GCH1: variants seen among roughly 807,000 people sequenced by gnomAD.
GCH1 encodes the protein GTP cyclohydrolase I.
A neutral mutation model predicts 25.9 loss-of-function variants in GCH1; 5 were observed. The observed-to-expected ratio is 0.19, with a 90% CI of 0.10 to 0.41. The LOEUF is 0.41. GCH1 is among the 10% of genes least tolerant of loss of function. The pLI is 1.00. For synonymous variants in GCH1, 159 were observed against 129.6 expected (o/e 1.23, Z -1.54); for missense variants, 261 against 336.5 (o/e 0.78, Z 1.75).
At chr14:54,892,435 T>G (rs573535495) in intron 1 of GCH1, among the ~76,000 whole-genome samples, 1 of 152,230 alleles carries the variant, frequency 6.6e-6, no homozygotes, top group Admixed American at 6.5e-5. Flanking sequence ...ACGCCTGTAA[T>G]CCCAACACTT....
chr14:54,865,506 A>G, intron 1 of GCH1, 70 bp from the exon 2 acceptor site: 1 of 764,746 alleles, frequency 1.3e-6, no homozygotes, highest in Admixed American at 1.9e-5. Context: ...ATAAACATGA[A>G]TAGACAGTCA....
intron 3 of GCH1, among the ~76,000 whole-genome samples, chr14:54,853,018 C>T (rs965314684): frequency 5.3e-5 from 8 of 152,180 alleles, no homozygotes; most frequent in African/African-American, 1.9e-4. Context: ...GGCTGGAGTG[C>T]AATGGTGCGA....
chr14:54,845,845 C>T lies in GCH1; in HGVS notation c.549G>A (p.Glu183=), dbSNP rs2039635227. The T allele has an allele frequency of 1.9e-6, 3 of 1,594,116 alleles. No individual in the cohort carries two copies. Among genetic ancestry groups the T allele is most frequent in the African/African-American group, 1.3e-5 (1 of 74,544 alleles). The change falls in exon 5 of 6, where the codon GAG becomes GAA. Residue 183 remains glutamate (E), a synonymous_variant. Coordinates refer to ENST00000491895, the MANE Select transcript of GCH1 (RefSeq NM_000161.3). ...EIYSRRLQVQ[E]RLTKQIAVAI... ...CTACAGCAATTTGTTTTGTAAGGCG[C>T]TCCTGAACTGTGGATGTGATAAGGA...
At chr14:54,850,610 G>A (rs572669547) in intron 3 of GCH1, among the ~76,000 whole-genome samples, 5 of 152,120 alleles carry the variant, frequency 3.3e-5, no homozygotes, top group Non-Finnish European at 5.9e-5. Flanking sequence ...TTTACATTAG[G>A]TATATCTCCT....
chr14:54,845,019 G>A (rs141998681), intron 5 of GCH1, among the ~76,000 whole-genome samples: 181 of 151,698 alleles, frequency 1.2e-3, no homozygotes, highest in African/African-American at 4.1e-3. Context: ...TACTAAATAC[G>A]AAAATTAGCT....
At position 54,843,470 on chromosome 14, in the gene GCH1, G is replaced by T. The variant is rs919591251; in HGVS notation, c.*547C>A. 4 of 1,240,546 alleles carry T rather than the reference G, an allele frequency of 3.2e-6. No individual in the cohort carries two copies. The highest frequency in any genetic ancestry group is 4.0e-6 in the Non-Finnish European group (4 of 990,336). The allele number at this position is 1,240,546 out of a possible 1,614,324, so 76.8% of individuals were successfully genotyped here. On this transcript the variant is annotated 3_prime_UTR_variant, in exon 6 of 6. Transcript: ENST00000491895. ...CATAGACATTCCACCACCTTCCCTT[G>T]GTGACTAACATTACGACTGCTAAAA...
At chr14:54,848,038 G>C (rs2039669867) in intron 3 of GCH1, among the ~76,000 whole-genome samples, 1 of 151,962 alleles carries the variant, frequency 6.6e-6, no homozygotes, top group African/African-American at 2.4e-5. Flanking sequence ...CTCTTCATAA[G>C]ATAGGTTTAT....
intron 1 of GCH1, among the ~76,000 whole-genome samples, chr14:54,890,885 T>G (rs1384483505): frequency 6.6e-6 from 1 of 152,198 alleles, no homozygotes; most frequent in Non-Finnish European, 1.5e-5. Context: ...TTCCTGTCTC[T>G]CCACCAGAAG....
At chr14:54,861,671 C>T (rs930471098) in intron 2 of GCH1, among the ~76,000 whole-genome samples, 9 of 150,590 alleles carry the variant, frequency 6.0e-5, no homozygotes, top group African/African-American at 1.7e-4. Flanking sequence ...TGCAGTGAGC[C>T]GAGATCGCAC....
chr14:54,867,571 G>C (rs562826608), intron 1 of GCH1, among the ~76,000 whole-genome samples: 1 of 105,954 alleles, frequency 9.4e-6, no homozygotes, highest in Non-Finnish European at 1.7e-5. Context: ...CTGGGCAAGA[G>C]AGAACAAGAC....
chr14:54,871,337 A>G (rs2140084275), intron 1 of GCH1, among the ~76,000 whole-genome samples: 1 of 152,304 alleles, frequency 6.6e-6, no homozygotes, highest in South Asian at 2.1e-4. Flanking sequence ...CCACACCAAA[A>G]TCCCATCTGT....
intron 2 of GCH1, among the ~76,000 whole-genome samples, chr14:54,860,006 G>A (rs1223827316): frequency 1.3e-5 from 2 of 152,162 alleles, no homozygotes; most frequent in African/African-American, 4.8e-5. Context: ...GTTGGTAAAT[G>A]CGGGAGATTG....
chr14:54,851,325 G>A (rs1002117222), intron 3 of GCH1, among the ~76,000 whole-genome samples: 26 of 152,168 alleles, frequency 1.7e-4, no homozygotes, highest in African/African-American at 5.8e-4. Context: ...AGGACTTCAT[G>A]ACTAAAACAC....
intron 1 of GCH1, among the ~76,000 whole-genome samples, chr14:54,891,347 A>C (rs2040420127): frequency 2.0e-5 from 3 of 149,008 alleles, no homozygotes. Flanking sequence ...CTCAAATGAT[A>C]CGCCCTCCTT....
intron 1 of GCH1, among the ~76,000 whole-genome samples, chr14:54,867,613 A>AAAAAAAAAAAC (rs2040007598): frequency 6.6e-6 from 1 of 150,880 alleles, no homozygotes; most frequent in African/African-American, 2.4e-5. Flanking sequence ...AAAAAAAAAA[A>AAAAAAAAAAAC]AGATCTGGCT....
At chr14:54,847,043 TAAAAAAAGA>T (rs2039653220) in intron 4 of GCH1, 47 bp downstream of exon 4, 6 of 722,134 alleles carry the variant, frequency 8.3e-6, no homozygotes, top group South Asian at 8.1e-5. Flanking sequence ...AATAAAAATT[TAAAAAAAGA>T]AAAAAAAGAA....
At chr14:54,859,798 A>C (rs2140063625) in intron 2 of GCH1, 62 bp from the exon 3 acceptor site, 1 of 851,738 alleles carries the variant, frequency 1.2e-6, no homozygotes, top group Non-Finnish European at 2.1e-6. Flanking sequence ...TTGTGACAAA[A>C]TAAGGAAATA....
In GCH1 at chr14:54,893,740, A is replaced by T. The variant is rs1473452833; in HGVS notation, c.343+8581T>A. Among the ~76,000 whole-genome samples the T allele has an allele frequency of 4.6e-5, 7 of 152,208 alleles. No individual in the cohort carries two copies. The East Asian group carries it at 1.3e-3, about 29-fold the overall frequency. ...TGCTACTGTGAGGATCAAATGAGGT[A>T]ACACATGTAAAAACTCACTGTTTAG... is the stretch of plus-strand genomic sequence containing the variant. On this transcript the variant is annotated intron_variant, in intron 1 of 5. Coordinates refer to ENST00000491895, the MANE Select transcript of GCH1 (RefSeq NM_000161.3).
chr14:54,891,513 G>A (rs2040422913), intron 1 of GCH1, among the ~76,000 whole-genome samples: 1 of 150,030 alleles, frequency 6.7e-6, no homozygotes, highest in Non-Finnish European at 1.5e-5. Flanking sequence ...GGGTTCAAGT[G>A]ATTCTCGTGC....
Sources: gnomAD v4.1 joint callset for allele counts (sites outside exome capture counted in the v4.1 genomes callset) on GRCh38, gnomAD v4.1.1 for gene constraint, MANE v1.5 for transcripts, NCBI Gene and HGNC (gene_info 2026-07-23, HGNC 2026-07-21) for gene names.